ZNF280D: variants seen among roughly 807,000 people sequenced by gnomAD.
ZNF280D encodes the protein zinc finger protein 280D, also known as suppressor of hairy wing homolog 4.
A neutral mutation model predicts 94.7 loss-of-function variants in ZNF280D; 39 were observed. That is an observed-to-expected ratio of 0.41 (90% CI 0.32 to 0.54). The LOEUF is 0.54. Among genes scored for constraint, ZNF280D ranks in the 20% least tolerant of loss-of-function variants. ZNF280D has a pLI of 0.22. For missense variants in ZNF280D, 1,090 were observed against 1,149.3 expected, an observed-to-expected ratio of 0.95 and a Z score of 0.75; for synonymous variants, 398 against 377.6, an observed-to-expected ratio of 1.05 and a Z score of -0.63.
chr15:56,684,935 T>C (rs1270144851), intron 9 of ZNF280D, among the ~76,000 whole-genome samples: 9 of 152,128 alleles, frequency 5.9e-5, no homozygotes, highest in Admixed American at 5.9e-4. Flanking sequence ...ATTATAAAAT[T>C]ATCAGTCTTC....
intron 1 of ZNF280D, among the ~76,000 whole-genome samples, chr15:56,715,000 A>G (rs922332824): frequency 1.4e-4 from 22 of 152,278 alleles, no homozygotes; most frequent in Admixed American, 1.3e-3. Context: ...TATGGTTGCT[A>G]TAATTATAAA....
At chr15:56,696,996 C>G (rs576866569) in intron 6 of ZNF280D, among the ~76,000 whole-genome samples, 1 of 152,152 alleles carries the variant, frequency 6.6e-6, no homozygotes, top group African/African-American at 2.4e-5. Context: ...TCCCCATCCT[C>G]GGTCAAACGT....
At chr15:56,674,376 G>C in intron 13 of ZNF280D, among the ~76,000 whole-genome samples, 1 of 151,998 alleles carries the variant, frequency 6.6e-6, no homozygotes, top group East Asian at 1.9e-4. Context: ...TTCAACAAAA[G>C]AAACAGTGAT....
intron 9 of ZNF280D, 140 bp downstream of exon 9, chr15:56,688,901 C>A: frequency 1.9e-6 from 1 of 520,468 alleles, no homozygotes; most frequent in Non-Finnish European, 3.3e-6. Context: ...TCTATATAAT[C>A]ATTATGAATG....
At chr15:56,724,423 A>C (rs2058528808) in intron 1 of ZNF280D, among the ~76,000 whole-genome samples, 1 of 152,186 alleles carries the variant, frequency 6.6e-6, no homozygotes, top group South Asian at 2.1e-4. Context: ...TGCTCTAAGG[A>C]GGCAACACTT....
chr15:56,722,573 A>T (rs929173276), intron 1 of ZNF280D, among the ~76,000 whole-genome samples: 1 of 152,208 alleles, frequency 6.6e-6, no homozygotes, highest in Non-Finnish European at 1.5e-5. Flanking sequence ...AAAAGTCAGG[A>T]AACAACAGGT....
chr15:56,717,694 C>A (rs1370186681), intron 1 of ZNF280D, among the ~76,000 whole-genome samples: 2 of 152,122 alleles, frequency 1.3e-5, no homozygotes, highest in Non-Finnish European at 2.9e-5. Context: ...CTATCATCAT[C>A]CCCTGTTTAC....
chr15:56,695,533 C>CCT (rs1555416892), intron 6 of ZNF280D, among the ~76,000 whole-genome samples: 1 of 140,756 alleles, frequency 7.1e-6, no homozygotes, highest in Non-Finnish European at 1.5e-5. Flanking sequence ...CAAAAATTAA[C>CCT]TTTTTTTTTT....
chr15:56,698,690 T>A (rs988615071), intron 6 of ZNF280D: 2 of 152,166 alleles, frequency 1.3e-5, no homozygotes, highest in Admixed American at 1.3e-4. Flanking sequence ...GATTTTTGTG[T>A]ACGTGATTAT....
intron 1 of ZNF280D, among the ~76,000 whole-genome samples, chr15:56,721,453 A>G (rs2058354678): frequency 6.6e-6 from 1 of 152,186 alleles, no homozygotes; most frequent in Non-Finnish European, 1.5e-5. Flanking sequence ...TCTTCTTCCA[A>G]TAAATAGAAG....
At chr15:56,683,527 A>T (rs1210075640) in intron 9 of ZNF280D, among the ~76,000 whole-genome samples, 1 of 152,158 alleles carries the variant, frequency 6.6e-6, no homozygotes, top group African/African-American at 2.4e-5. Flanking sequence ...GATTCTGCAA[A>T]TATTAAATAT....
At chr15:56,677,872 C>T (rs1246088260) in intron 11 of ZNF280D, among the ~76,000 whole-genome samples, 198 bp from the exon 12 acceptor site, 1 of 152,076 alleles carries the variant, frequency 6.6e-6, no homozygotes, top group Non-Finnish European at 1.5e-5. Context: ...TATTAACAAC[C>T]CTATAAGAAA....
intron 1 of ZNF280D, among the ~76,000 whole-genome samples, chr15:56,731,862 A>C (rs1208821408): frequency 1.3e-5 from 2 of 152,230 alleles, no homozygotes; most frequent in African/African-American, 4.8e-5. Flanking sequence ...TGCAAAGTTA[A>C]GAAATTAACT....
At chr15:56,728,073 C>T (rs944753073) in intron 1 of ZNF280D, among the ~76,000 whole-genome samples, 2 of 151,920 alleles carry the variant, frequency 1.3e-5, no homozygotes, top group Non-Finnish European at 1.5e-5. Context: ...ACTCTGTCAC[C>T]CAGGCTGGAG....
intron 19 of ZNF280D, among the ~76,000 whole-genome samples, chr15:56,651,303 A>G (rs559543961): frequency 6.6e-6 from 1 of 152,318 alleles, no homozygotes; most frequent in East Asian, 1.9e-4. Context: ...GTAACCAAAA[A>G]GCACATATGC....
chr15:56,697,762 TAATA>T (rs1293286197), intron 6 of ZNF280D: 1 of 152,160 alleles, frequency 6.6e-6, no homozygotes, highest in Non-Finnish European at 1.5e-5. Context: ...GAATATTTTA[TAATA>T]TTTATTTATT....
chr15:56,632,545 A>G (rs1422438280), intron 21 of ZNF280D, among the ~76,000 whole-genome samples: 1 of 145,288 alleles, frequency 6.9e-6, no homozygotes, highest in Non-Finnish European at 1.5e-5. Flanking sequence ...TCACCCAGAC[A>G]GGAACACAGT....
chr15:56,714,371 A>G (rs988808201), intron 1 of ZNF280D, among the ~76,000 whole-genome samples: 1 of 152,198 alleles, frequency 6.6e-6, no homozygotes, highest in African/African-American at 2.4e-5. Flanking sequence ...GTCTCCCGAT[A>G]ATAAGCACTC....
Position 56,650,048 on chromosome 15 carries a change from T to C in ZNF280D, c.2213+4150A>G, listed in dbSNP as rs75501335. Among the ~76,000 whole-genome samples, 765 of 152,244 alleles carry C rather than the reference T, an allele frequency of 5.0e-3. 4 individuals are homozygous for C. The highest frequency in any genetic ancestry group is 0.017 in the African/African-American group (724 of 41,572). On this transcript the variant is annotated intron_variant, in intron 19 of 21. Coordinates refer to ENST00000267807, the MANE Select transcript of ZNF280D (RefSeq NM_017661.4). ...ATGATATTAGTGGTTTAATTGATTATGAAATCAGTTGACTATAGTCCCTGT... is the reference window on the plus strand; with the variant it reads ...ATGATATTAGTGGTTTAATTGATTACGAAATCAGTTGACTATAGTCCCTGT...
Sources: allele counts gnomAD v4.1 joint callset (sites outside exome capture counted in the v4.1 genomes callset), GRCh38; gene constraint gnomAD v4.1.1; transcripts MANE v1.5; gene names NCBI Gene and HGNC (gene_info 2026-07-23, HGNC 2026-07-21).